The following ADCY2 variants were observed in gnomAD, a reference collection of about 807,000 sequenced individuals.
ADCY2 encodes adenylate cyclase 2, also known as adenylate cyclase type 2.
Under a neutral mutation model 125.2 loss-of-function variants are expected in ADCY2, and 31 were observed. The ratio of observed to expected loss-of-function variants is 0.25; its 90% CI spans 0.19 to 0.33. The LOEUF (loss-of-function observed/expected upper bound fraction) is 0.33, where lower values mean the gene tolerates loss of function less well. ADCY2 is among the 10% of genes least tolerant of loss of function. The probability of loss-of-function intolerance (pLI) is 1.00; values close to 1 mark genes in which losing one functional copy is unlikely to be tolerated. For synonymous variants in ADCY2, 512 were observed against 548.4 expected, an observed-to-expected ratio of 0.93 and a Z score of 0.93; for missense variants, 904 against 1,418.2, an observed-to-expected ratio of 0.64 and a Z score of 5.82.
chr5:7,694,072 C>A (rs1213757438), intron 5 of ADCY2, among the ~76,000 whole-genome samples: 1 of 152,148 alleles, frequency 6.6e-6, no homozygotes. Context: ...AAAGCTGTCC[C>A]AGGAACCCTG....
intron 24 of ADCY2, among the ~76,000 whole-genome samples, chr5:7,824,829 G>T (rs891578434): frequency 6.6e-6 from 1 of 152,174 alleles, no homozygotes; most frequent in Non-Finnish European, 1.5e-5. Flanking sequence ...ATGCTGTCCT[G>T]GGCTCTCATG....
chr5:7,529,064 C>T (rs10062110), intron 3 of ADCY2, among the ~76,000 whole-genome samples: 40,574 of 152,034 alleles, frequency 0.27, 5,993 homozygotes, highest in East Asian at 0.41. Flanking sequence ...AGCACTGCTC[C>T]GGTTCTAAGA....
chr5:7,606,746 A>G (rs1031683125), intron 3 of ADCY2, among the ~76,000 whole-genome samples: 1 of 152,238 alleles, frequency 6.6e-6, no homozygotes, highest in South Asian at 2.1e-4. Context: ...TTTTTCGTTT[A>G]TCACCGAAGC....
chr5:7,729,753 C>A (rs1271333172), intron 14 of ADCY2, among the ~76,000 whole-genome samples: 2 of 148,864 alleles, frequency 1.3e-5, no homozygotes, highest in African/African-American at 4.9e-5. Context: ...TATTAAAGTT[C>A]ATAGAATATA....
chr5:7,399,553 A>G (rs1456286847), intron 1 of ADCY2, among the ~76,000 whole-genome samples: 1 of 152,176 alleles, frequency 6.6e-6, no homozygotes, highest in Non-Finnish European at 1.5e-5. Flanking sequence ...CTGAATTGAA[A>G]CTTCACAGTC....
intron 3 of ADCY2, among the ~76,000 whole-genome samples, chr5:7,570,292 G>A (rs1040791020): frequency 1.3e-5 from 2 of 152,098 alleles, no homozygotes; most frequent in Non-Finnish European, 2.9e-5. Context: ...TGAACTGTGT[G>A]TTAAATATCA....
chr5:7,655,414 G>A (rs1348895764), intron 4 of ADCY2, among the ~76,000 whole-genome samples: 2 of 152,180 alleles, frequency 1.3e-5, no homozygotes. Context: ...CCAGTGGTGT[G>A]ACCCAGGCCA....
At chr5:7,587,444 A>T (rs1368783163) in intron 3 of ADCY2, among the ~76,000 whole-genome samples, 1 of 152,224 alleles carries the variant, frequency 6.6e-6, no homozygotes, top group Non-Finnish European at 1.5e-5. Flanking sequence ...AAGTCAAAGC[A>T]TTGACATCTA....
chr5:7,565,902 T>A (rs1173898295), intron 3 of ADCY2, among the ~76,000 whole-genome samples: 1 of 152,234 alleles, frequency 6.6e-6, no homozygotes, highest in Non-Finnish European at 1.5e-5. Flanking sequence ...TGGGAACTTT[T>A]TCCATTTAAC....
At chr5:7,502,448 C>T (rs554198666) in intron 2 of ADCY2, among the ~76,000 whole-genome samples, 63 of 152,330 alleles carry the variant, frequency 4.1e-4, no homozygotes, top group Non-Finnish European at 7.5e-4. Flanking sequence ...CCACCTCTTA[C>T]TCCCACCGTG....
At position 7,696,850 on chromosome 5, in the gene ADCY2, TA is replaced by T. The variant is rs773465487; in HGVS notation, c.981+991del. On this transcript the variant is annotated intron_variant, in intron 6 of 24. Coordinates refer to ENST00000338316, the MANE Select transcript of ADCY2 (RefSeq NM_020546.3). ...CTCACTGGAGATTGTAAAAAATCAG[TA>T]AAAGCACAGCTCTGCTTCCTTCCTT... is the stretch of plus-strand genomic sequence containing the variant. Among the ~76,000 whole-genome samples the T allele has an allele frequency of 1.8e-4, 27 of 152,276 alleles. No individual in the cohort carries two copies. The East Asian group carries it at 3.5e-3, about 20-fold the overall frequency.
intron 2 of ADCY2, among the ~76,000 whole-genome samples, chr5:7,511,993 G>T (rs1744079657): frequency 6.6e-6 from 1 of 151,852 alleles, no homozygotes; most frequent in Admixed American, 6.6e-5. Context: ...GGCTGAGGTG[G>T]GCAGATTACT....
At chr5:7,495,891 AG>A (rs1438009303) in intron 2 of ADCY2, among the ~76,000 whole-genome samples, 1 of 152,258 alleles carries the variant, frequency 6.6e-6, no homozygotes, top group Non-Finnish European at 1.5e-5. Flanking sequence ...GTAATCACGT[AG>A]AAGATGACTG....
chr5:7,826,975 C>A lies in ADCY2; in HGVS notation c.*104C>A. The A allele has an allele frequency of 7.3e-7, 1 of 1,374,082 alleles. No individual in the cohort carries two copies. Among genetic ancestry groups the A allele is most frequent in the Non-Finnish European group, 9.9e-7 (1 of 1,011,588 alleles). The allele number at this position is 1,374,082 out of a possible 1,614,324, so 85.1% of individuals were successfully genotyped here. ...TGTTTTTGATGTGCGTGCTGTCTGT[C>A]CTATGGAGCCTCTGCAGACTCGTTC... On this transcript the variant is annotated 3_prime_UTR_variant, in exon 25 of 25. Transcript: ENST00000338316.
chr5:7,772,615 T>C (rs1579417604), intron 17 of ADCY2, among the ~76,000 whole-genome samples: 1 of 152,160 alleles, frequency 6.6e-6, no homozygotes, highest in African/African-American at 2.4e-5. Context: ...TTTCAAGAAA[T>C]AGATAACATT....
chr5:7,634,990 G>C (rs1738444682), intron 4 of ADCY2, among the ~76,000 whole-genome samples: 1 of 152,152 alleles, frequency 6.6e-6, no homozygotes, highest in Non-Finnish European at 1.5e-5. Context: ...CTCAGACCTA[G>C]GAGGGCCTGA....
At chr5:7,771,163 A>C (rs1255999690) in intron 17 of ADCY2, among the ~76,000 whole-genome samples, 1 of 152,178 alleles carries the variant, frequency 6.6e-6, no homozygotes, top group Admixed American at 6.5e-5. Context: ...CTGAACTCTC[A>C]TAGAAATAAG....
intron 2 of ADCY2, among the ~76,000 whole-genome samples, chr5:7,462,255 T>C (rs1741942801): frequency 6.6e-6 from 1 of 152,234 alleles, no homozygotes; most frequent in African/African-American, 2.4e-5. Flanking sequence ...AGCAGTTGAA[T>C]AACACTTGGA....
At chr5:7,761,444 G>A (rs1205691718) in intron 16 of ADCY2, among the ~76,000 whole-genome samples, 1 of 152,122 alleles carries the variant, frequency 6.6e-6, no homozygotes, top group Non-Finnish European at 1.5e-5. Context: ...ACCATGCCCA[G>A]CCCAAAATTT....
Sources: allele counts gnomAD v4.1 joint callset (sites outside exome capture counted in the v4.1 genomes callset), GRCh38; gene constraint gnomAD v4.1.1; transcripts MANE v1.5; gene names NCBI Gene and HGNC (gene_info 2026-07-23, HGNC 2026-07-21).